Variants in TPH1 observed in about 807,000 individuals in gnomAD.
The protein encoded by TPH1 is tryptophan hydroxylase 1.
In TPH1, 37 loss-of-function variants were observed where a neutral mutation model predicts 49.5. The ratio of observed to expected loss-of-function variants is 0.75; its 90% CI spans 0.58 to 0.98. The LOEUF (loss-of-function observed/expected upper bound fraction) is 0.98. Among genes scored for constraint, TPH1 ranks in the 50% least tolerant of loss-of-function variants. The probability of loss-of-function intolerance (pLI) is 0.00; values close to 1 mark genes in which losing one functional copy is unlikely to be tolerated. For synonymous variants in TPH1, 160 were observed against 182.1 expected, an observed-to-expected ratio of 0.88 and a Z score of 0.98; for missense variants, 487 against 523.6, an observed-to-expected ratio of 0.93 and a Z score of 0.68.
intron 2 of TPH1, 103 bp downstream of exon 2, chr11:18,040,543 T>A: frequency 8.2e-7 from 1 of 1,212,512 alleles, no homozygotes; most frequent in Non-Finnish European, 1.1e-6. Context: ...AAATTTGTTT[T>A]TTTTTAAGAG....
chr11:18,045,914 G>C (rs1343693327), intron 1 of TPH1, among the ~76,000 whole-genome samples: 1 of 152,132 alleles, frequency 6.6e-6, no homozygotes, highest in Admixed American at 6.5e-5. Context: ...CACAGACTTG[G>C]GTTGGACTCT....
chr11:18,028,282 A>T (rs534114409), intron 6 of TPH1, among the ~76,000 whole-genome samples: 10 of 152,334 alleles, frequency 6.6e-5, no homozygotes, highest in African/African-American at 2.4e-4. Context: ...TAAAATTATA[A>T]AATCTTAATG....
chr11:18,024,968 C>T (rs1265286086), intron 8 of TPH1, among the ~76,000 whole-genome samples: 2 of 152,174 alleles, frequency 1.3e-5, no homozygotes, highest in Non-Finnish European at 2.9e-5. Context: ...GTCCTTCTCC[C>T]AGGAAACCTT....
chr11:18,040,851 ATAAC>A, intron 1 of TPH1, 63 bp from the exon 2 acceptor site: 1 of 1,460,388 alleles, frequency 6.8e-7, no homozygotes, highest in Non-Finnish European at 9.4e-7. Context: ...ACAATATTTG[ATAAC>A]TAAGGGCTCA....
chr11:18,025,951 C>T (rs1847924869), intron 7 of TPH1, among the ~76,000 whole-genome samples: 1 of 151,952 alleles, frequency 6.6e-6, no homozygotes, highest in Admixed American at 6.6e-5. Flanking sequence ...ACCACAACCC[C>T]CAACACCCAA....
chr11:18,045,895 G>C (rs1202592868), intron 1 of TPH1, among the ~76,000 whole-genome samples: 1 of 152,118 alleles, frequency 6.6e-6, no homozygotes, highest in Non-Finnish European at 1.5e-5. Flanking sequence ...TGCCAACATA[G>C]AGGAGTCACA....
intron 8 of TPH1, 73 bp downstream of exon 8, chr11:18,025,502 A>G: frequency 6.3e-7 from 1 of 1,596,852 alleles, no homozygotes; most frequent in Non-Finnish European, 8.6e-7. Context: ...CATTCTGAAT[A>G]TGTACTTTTA....
intron 3 of TPH1, among the ~76,000 whole-genome samples, chr11:18,034,500 C>A (rs561356894): frequency 2.2e-4 from 34 of 152,292 alleles, no homozygotes; most frequent in Non-Finnish European, 4.3e-4. Flanking sequence ...GGGTATGGGA[C>A]TTCTTGGGGG....
At chr11:18,042,321 A>C (rs1461078895) in intron 1 of TPH1, 1 of 451,984 alleles carries the variant, frequency 2.2e-6, no homozygotes, top group South Asian at 1.6e-5. Context: ...AGCATTCTCA[A>C]AATGTTTTTA....
rs572609780 is a variant in TPH1, at chr11:18,022,488, T to A, written c.1160+310A>T. The stretch of plus-strand genomic sequence containing the variant: ...TGTTTCATCTGTATCTCTCCAAGGC[T>A]CTTGTCATTTTCCATGTTGTTATAC... On this transcript the variant is annotated intron_variant, in intron 10 of 10. Coordinates refer to ENST00000682019, the MANE Select transcript of TPH1 (RefSeq NM_004179.3). Among the ~76,000 whole-genome samples, 9 of 152,340 alleles carry A rather than the reference T, an allele frequency of 5.9e-5. 1 individual carries two copies. The highest frequency in any genetic ancestry group is 2.2e-4 in the African/African-American group (9 of 41,592).
At chr11:18,023,057 T>G in intron 9 of TPH1, 126 bp from the exon 10 acceptor site, 1 of 1,058,374 alleles carries the variant, frequency 9.4e-7, no homozygotes, top group Non-Finnish European at 1.4e-6. Context: ...ATTCCAAACT[T>G]ATTTCCTATA....
rs1161220207 is a variant in TPH1 at position 18,017,562 on chromosome 11, C to T, written c.*3429G>A. On this transcript the variant is annotated 3_prime_UTR_variant, in exon 11 of 11. Coordinates refer to ENST00000682019, the MANE Select transcript of TPH1 (RefSeq NM_004179.3). ...AAAAAAAGTAAACATTGGTTGAGAA[C>T]ATAAATTTTGTGTTCATTTATTATC... 2 of 152,076 alleles carry T rather than the reference C, an allele frequency of 1.3e-5. No homozygotes were observed. Among genetic ancestry groups the T allele is most frequent in the African/African-American group, 4.8e-5 (2 of 41,422 alleles). The allele number at this position is 152,076 out of a possible 1,614,324, so 9.4% of individuals were successfully genotyped here.
intron 2 of TPH1, among the ~76,000 whole-genome samples, chr11:18,039,717 G>A (rs1158943167): frequency 1.3e-5 from 2 of 152,128 alleles, no homozygotes; most frequent in Non-Finnish European, 2.9e-5. Context: ...GTGAGGACAG[G>A]CACTGTGTTT....
At chr11:18,041,851 A>C (rs911506968) in intron 1 of TPH1, among the ~76,000 whole-genome samples, 3 of 152,270 alleles carry the variant, frequency 2.0e-5, no homozygotes, top group African/African-American at 7.2e-5. Flanking sequence ...AAAACGAATA[A>C]AATTTCAACC....
chr11:18,034,848 A>G (rs968185060), intron 3 of TPH1, among the ~76,000 whole-genome samples: 1 of 151,988 alleles, frequency 6.6e-6, no homozygotes, highest in African/African-American at 2.4e-5. Context: ...AAAAGGCTTT[A>G]TTGTTTCCCA....
chr11:18,023,178 A>C (rs1038977138), intron 9 of TPH1: 1 of 468,648 alleles, frequency 2.1e-6, no homozygotes, highest in East Asian at 4.1e-5. Flanking sequence ...TTTGTGTAAA[A>C]GGCACCCAAG....
At chr11:18,036,250 C>A in intron 2 of TPH1, 108 bp from the exon 3 acceptor site, 1 of 810,998 alleles carries the variant, frequency 1.2e-6, no homozygotes, top group African/African-American at 1.7e-5. Flanking sequence ...CTTCTCAGAA[C>A]AGCAAAGGGA....
chr11:18,037,878 G>A (rs541938387), intron 2 of TPH1, among the ~76,000 whole-genome samples: 6 of 152,276 alleles, frequency 3.9e-5, no homozygotes, highest in African/African-American at 1.4e-4. Flanking sequence ...TGTCAGAGCC[G>A]GAATTCAAAT....
In TPH1 at chr11:18,039,584, C is replaced by T. The variant is rs575862461; in HGVS notation, c.117+1062G>A. Among the ~76,000 whole-genome samples the T allele has an allele frequency of 5.3e-5, 8 of 152,250 alleles. 1 individual carries two copies. In the South Asian group the frequency reaches 1.7e-3, roughly 32 times the overall value. ...CCTGAGCCCTTAAACTCAGTTAGGTCCCCCAAGTTCAATGCTGTCAGAATA... is the reference window on the plus strand; with the variant it reads ...CCTGAGCCCTTAAACTCAGTTAGGTTCCCCAAGTTCAATGCTGTCAGAATA... On this transcript the variant is annotated intron_variant, in intron 2 of 10. Transcript: ENST00000682019.
Sources: allele counts gnomAD v4.1 joint callset (sites outside exome capture counted in the v4.1 genomes callset), GRCh38; gene constraint gnomAD v4.1.1; transcripts MANE v1.5; gene names NCBI Gene and HGNC (gene_info 2026-07-23, HGNC 2026-07-21).